STK24: variants seen among roughly 807,000 people sequenced by gnomAD.
STK24 encodes the protein serine/threonine kinase 24.
STK24 carries 21 observed loss-of-function variants against 55.6 expected under a neutral mutation model. The observed-to-expected ratio is 0.38, with a 90% CI of 0.27 to 0.54. STK24 has a LOEUF of 0.54. STK24 is among the 20% of genes least tolerant of loss of function. The pLI, the probability that STK24 is intolerant of heterozygous loss-of-function variation, is 0.79. For synonymous variants in STK24, 200 were observed against 215.2 expected (o/e 0.93, Z 0.62); for missense variants, 383 against 538.4 (o/e 0.71, Z 2.86).
At chr13:98,518,456 T>C (rs1294759861) in intron 2 of STK24, among the ~76,000 whole-genome samples, 1 of 152,180 alleles carries the variant, frequency 6.6e-6, no homozygotes, top group African/African-American at 2.4e-5. Context: ...CAATAATTAT[T>C]TCAGAGCGTT....
intron 2 of STK24, among the ~76,000 whole-genome samples, chr13:98,511,241 C>T (rs183723713): frequency 6.6e-6 from 1 of 152,178 alleles, no homozygotes; most frequent in Non-Finnish European, 1.5e-5. Flanking sequence ...AAATAGTAAG[C>T]GTCTTAGGAC....
rs1435668534 is a variant in STK24 at position 98,468,785 on chromosome 13, C to T, written c.598-2224G>A. 2.0e-5 allele frequency among the ~76,000 whole-genome samples: 3 copies of T among 152,328 alleles called. No individual in the cohort carries two copies. In the South Asian group the frequency reaches 6.2e-4, roughly 32 times the overall value. ...AGTATACAGTGTGTAACAATCAAAT[C>T]CGGGTAGCTGGGATCCCCCTCACCT... On this transcript the variant is annotated intron_variant, in intron 5 of 10. Transcript: ENST00000539966.
intron 1 of STK24, among the ~76,000 whole-genome samples, chr13:98,539,976 T>C (rs76842956): frequency 0.016 from 2,423 of 152,232 alleles, 59 homozygotes; most frequent in African/African-American, 0.054. Context: ...GTCCACCAGC[T>C]GGAGAGTAAA....
rs574902919 is a variant in STK24 at position 98,548,017 on chromosome 13, C to T, written c.43-28544G>A. Among the ~76,000 whole-genome samples, 7 of 152,264 alleles carry T rather than the reference C, an allele frequency of 4.6e-5. No individual in the cohort carries two copies. The East Asian group carries it at 5.8e-4, about 13-fold the overall frequency. ...AGAACTCAGAGAGACTCTAACTTCCCGCTCCAGCAGCAAATCTACTGGAGG... is the reference window on the plus strand; with the variant it reads ...AGAACTCAGAGAGACTCTAACTTCCTGCTCCAGCAGCAAATCTACTGGAGG... On this transcript the variant is annotated intron_variant, in intron 1 of 10. Transcript: ENST00000539966.
intron 2 of STK24, among the ~76,000 whole-genome samples, chr13:98,490,477 C>G (rs1243813818): frequency 1.3e-5 from 2 of 152,128 alleles, no homozygotes; most frequent in African/African-American, 2.4e-5. Flanking sequence ...GTGGGTCACT[C>G]TTCCCATGTA....
chr13:98,496,719 A>G (rs1895264749), intron 2 of STK24, among the ~76,000 whole-genome samples: 1 of 152,232 alleles, frequency 6.6e-6, no homozygotes, highest in African/African-American at 2.4e-5. Flanking sequence ...TCTGCTTATT[A>G]TATTTGCACC....
intron 2 of STK24, among the ~76,000 whole-genome samples, chr13:98,483,825 G>T (rs943225931): frequency 4.6e-5 from 7 of 152,214 alleles, no homozygotes; most frequent in African/African-American, 1.7e-4. Context: ...CTAACGGTAA[G>T]ATGCACTGCA....
chr13:98,522,608 C>T (rs767137910), intron 1 of STK24, among the ~76,000 whole-genome samples: 10 of 152,204 alleles, frequency 6.6e-5, no homozygotes, highest in Non-Finnish European at 1.2e-4. Context: ...ATCTCTAGCT[C>T]AACATGTGTG....
chr13:98,567,161 A>G (rs1377293857), intron 1 of STK24, among the ~76,000 whole-genome samples: 2 of 152,236 alleles, frequency 1.3e-5, no homozygotes, highest in Non-Finnish European at 2.9e-5. Flanking sequence ...TCCTCCATCC[A>G]TTAACATGCT....
At chr13:98,516,777 C>A (rs1412879485) in intron 2 of STK24, among the ~76,000 whole-genome samples, 12 of 152,212 alleles carry the variant, frequency 7.9e-5, no homozygotes, top group African/African-American at 2.9e-4. Flanking sequence ...TCAGGGCAAC[C>A]AGTGAGGAAG....
At chr13:98,571,848 C>A (rs565171891) in intron 1 of STK24, among the ~76,000 whole-genome samples, 9 of 152,338 alleles carry the variant, frequency 5.9e-5, no homozygotes, top group African/African-American at 2.2e-4. Flanking sequence ...GACACCTGGG[C>A]TCCCCACTCG....
chr13:98,446,027 G>C lies in STK24; in HGVS notation c.*7146C>G. 1 of 1,035,800 alleles carries C rather than the reference G, an allele frequency of 9.7e-7. No individual in the cohort carries two copies. The highest frequency in any genetic ancestry group is 1.4e-5 in the South Asian group (1 of 73,678). The allele number at this position is 1,035,800 out of a possible 1,614,324, so 64.2% of individuals were successfully genotyped here. On this transcript the variant is annotated 3_prime_UTR_variant, in exon 11 of 11. Transcript: ENST00000539966. ...GCCCCAGCCCAGGGCCCTGGTGCAG[G>C]GAGAGCTGCTCTCTGTGCCCTCCTG...
At chr13:98,539,385 T>C (rs1007089351) in intron 1 of STK24, among the ~76,000 whole-genome samples, 6 of 152,152 alleles carry the variant, frequency 3.9e-5, no homozygotes, top group Non-Finnish European at 8.8e-5. Context: ...TGATGAACCA[T>C]CCTTGGATGC....
chr13:98,483,132 A>T (rs1424955164), intron 2 of STK24, among the ~76,000 whole-genome samples: 1 of 152,184 alleles, frequency 6.6e-6, no homozygotes, highest in African/African-American at 2.4e-5. Context: ...CTCCTTGGGG[A>T]GCCAGGCAGT....
At chr13:98,511,901 A>AT (rs10641055) in intron 2 of STK24, among the ~76,000 whole-genome samples, 101,704 of 141,154 alleles carry the variant, frequency 0.72, 38,200 homozygotes, top group Non-Finnish European at 0.85. Flanking sequence ...TTTTACAGTA[A>AT]TTTTTTTTTT....
In STK24 at chr13:98,474,926, G is replaced by A. The variant is rs1894305214; in HGVS notation, c.492C>T (p.Gly164=). The change falls in exon 5 of 11, where the codon GGC becomes GGT. Residue 164 remains glycine, a synonymous_variant. Coordinates refer to ENST00000539966, the MANE Select transcript of STK24 (RefSeq NM_001032296.4). ...EHGEVKLADF[G]VAGQLTDTQI... Reference sequence around the variant, plus strand: ...GGGTGTCTGTCAGCTGGCCAGCCACGCCAAAGTCCGCCAGCTTCACCTCGC... The same window carrying A: ...GGGTGTCTGTCAGCTGGCCAGCCACACCAAAGTCCGCCAGCTTCACCTCGC... 8.1e-6 allele frequency: 13 copies of A among 1,613,976 alleles called. No individual in the cohort carries two copies. Among genetic ancestry groups the A allele is most frequent in the Middle Eastern group, 1.6e-4 (1 of 6,062 alleles).
intron 1 of STK24, among the ~76,000 whole-genome samples, chr13:98,525,689 G>GAGCCTC (rs1480718744): frequency 1.3e-5 from 2 of 152,186 alleles, no homozygotes; most frequent in African/African-American, 4.8e-5. Context: ...CGAGCTCACC[G>GAGCCTC]AGCCTCGAGC....
chr13:98,572,620 C>G (rs1897771880), intron 1 of STK24, among the ~76,000 whole-genome samples: 1 of 152,148 alleles, frequency 6.6e-6, no homozygotes, highest in African/African-American at 2.4e-5. Context: ...AGACACCAGT[C>G]TCACTATCCT....
At chr13:98,506,510 G>A (rs1044506275) in intron 2 of STK24, among the ~76,000 whole-genome samples, 5 of 152,194 alleles carry the variant, frequency 3.3e-5, no homozygotes, top group African/African-American at 1.2e-4. Flanking sequence ...GAGCACAGGA[G>A]GGGAGGACAA....
Sources: allele counts gnomAD v4.1 joint callset (sites outside exome capture counted in the v4.1 genomes callset), GRCh38; gene constraint gnomAD v4.1.1; transcripts MANE v1.5; gene names NCBI Gene and HGNC (gene_info 2026-07-23, HGNC 2026-07-21).